The following RFX2 variants were observed in gnomAD, a reference collection of about 807,000 sequenced individuals.
RFX2 encodes DNA-binding protein RFX2.
RFX2 carries 20 observed loss-of-function variants against 87.8 expected under a neutral mutation model. The observed-to-expected ratio is 0.23, with a 90% CI of 0.16 to 0.33. The LOEUF (loss-of-function observed/expected upper bound fraction) is 0.33. Among genes scored for constraint, RFX2 ranks in the 10% least tolerant of loss-of-function variants. The pLI, the probability that RFX2 is intolerant of heterozygous loss-of-function variation, is 1.00. For synonymous variants in RFX2, 397 were observed against 431.3 expected (o/e 0.92, Z 0.98); for missense variants, 767 against 1,012.3 (o/e 0.76, Z 3.29).
Position 6,013,191 on chromosome 19 carries a change from CTTTT to C in RFX2, c.780-90_780-87del. The C allele has an allele frequency of 2.8e-6, 3 of 1,075,752 alleles. No homozygotes were observed. Among genetic ancestry groups the C allele is most frequent in the East Asian group, 3.3e-5 (1 of 30,598 alleles). The allele number at this position is 1,075,752 out of a possible 1,614,324, so 66.6% of individuals were successfully genotyped here. A position where few individuals can be genotyped will look rare whatever the true frequency, so the allele number is the denominator to read the frequency against. On this transcript the variant is annotated intron_variant, in intron 7 of 17. Transcript: ENST00000303657. The surrounding 1 kb of genome is among the most constrained non-coding windows in gnomAD (Gnocchi z 4.1). ...TTGGGATTCTTTTTCTTTCTTTCTT[CTTTT>C]TTTTTTTTGAGACAGAATCTCATTC... is the stretch of plus-strand genomic sequence containing the variant.
chr19:6,006,361 G>A (rs2086581118), intron 12 of RFX2, among the ~76,000 whole-genome samples: 2 of 151,720 alleles, frequency 1.3e-5, no homozygotes, highest in South Asian at 2.1e-4. Flanking sequence ...GTCTCACTAT[G>A]TTGCCCAGGC....
intron 5 of RFX2, among the ~76,000 whole-genome samples, chr19:6,036,301 A>T (rs2087022007): frequency 6.6e-6 from 1 of 152,192 alleles, no homozygotes; most frequent in Admixed American, 6.5e-5. Context: ...AGCAGCAGAC[A>T]CTACCCTACA....
chr19:6,074,979 C>A lies in RFX2; in HGVS notation c.-8-27475G>T, dbSNP rs1424688359. 6.6e-6 allele frequency among the ~76,000 whole-genome samples: 1 copy of A among 152,038 alleles called. No individual in the cohort carries two copies. The highest frequency in any genetic ancestry group is 2.4e-5 in the African/African-American group (1 of 41,374). On this transcript the variant is annotated intron_variant, in intron 1 of 17. Coordinates refer to ENST00000303657, the MANE Select transcript of RFX2 (RefSeq NM_000635.4). The surrounding 1 kb of genome is among the most constrained non-coding windows in gnomAD (Gnocchi z 5.2). The stretch of plus-strand genomic sequence containing the variant: ...TGGGGCCTTTGGGAGGTGATTAGGT[C>A]ATGAGGGTGGGATCATGCCCTCCCT...
chr19:5,995,782 G>A, intron 16 of RFX2, 139 bp from the exon 17 acceptor site: 3 of 781,402 alleles, frequency 3.8e-6, no homozygotes, highest in South Asian at 1.5e-5. Flanking sequence ...GCCCTGAAAT[G>A]TGGCTCTGAT....
rs577270490 is a variant in RFX2 at position 6,001,110 on chromosome 19, C to T, written c.1859+705G>A. Among the ~76,000 whole-genome samples the T allele has an allele frequency of 6.6e-5, 10 of 152,350 alleles. No individual in the cohort carries two copies. The highest frequency in any genetic ancestry group is 2.4e-4 in the African/African-American group (10 of 41,580). On this transcript the variant is annotated intron_variant, in intron 15 of 17. Transcript: ENST00000303657. The surrounding 1 kb of genome is among the most constrained non-coding windows in gnomAD (Gnocchi z 5.6). The stretch of plus-strand genomic sequence containing the variant: ...TCAGAGCTCTCAGGACATCGCTCTA[C>T]TGCCTTCTGGGTTTCTGCACATTGT...
Position 6,004,388 on chromosome 19 carries a change from C to A in RFX2, c.1403-90G>T. 3 of 1,071,122 alleles carry A rather than the reference C, an allele frequency of 2.8e-6. No individual in the cohort carries two copies. The highest frequency in any genetic ancestry group is 4.3e-6 in the Non-Finnish European group (3 of 691,734). 66.4% of individuals were successfully genotyped at this position (1,071,122 alleles called of 1,614,324 possible). On this transcript the variant is annotated intron_variant, in intron 12 of 17. Coordinates refer to ENST00000303657, the MANE Select transcript of RFX2 (RefSeq NM_000635.4). This position sits in a 1 kb window ranked among gnomAD's most constrained non-coding sequence, Gnocchi z 4.8. ...TTCAGTGTAAGAGCTGGCCCAAGTG[C>A]GATGAAAATGACCACCATGAAGAAC... is the stretch of plus-strand genomic sequence containing the variant.
chr19:6,015,495 G>GTTTGT (rs1797158016), intron 7 of RFX2, among the ~76,000 whole-genome samples: 1 of 150,334 alleles, frequency 6.7e-6, no homozygotes, highest in South Asian at 2.1e-4. Flanking sequence ...CATTTTGTTT[G>GTTTGT]TTTGTTTGTT....
chr19:6,002,027 TG>T lies in RFX2; in HGVS notation c.1651-5del. The T allele has an allele frequency of 1.9e-6, 3 of 1,600,676 alleles. No individual in the cohort carries two copies. In the South Asian group the frequency reaches 3.3e-5, roughly 18 times the overall value. On this transcript the variant is annotated splice_polypyrimidine_tract_variant and splice_region_variant and intron_variant, in intron 14 of 17. Transcript: ENST00000303657. This position sits in a 1 kb window ranked among gnomAD's most constrained non-coding sequence, Gnocchi z 6.7. ...GGCACACCCACGAGGCCTGCTCCTGTGGGCAGGGCAGAGGCCAGTGTCAGCA... is the reference window on the plus strand; with the variant it reads ...GGCACACCCACGAGGCCTGCTCCTGTGGCAGGGCAGAGGCCAGTGTCAGCA...
rs1310271287 is a variant in RFX2, at chr19:6,074,532, G to A, written c.-8-27028C>T. Among the ~76,000 whole-genome samples the A allele has an allele frequency of 5.3e-5, 8 of 152,320 alleles. No individual in the cohort carries two copies. The highest frequency in any genetic ancestry group is 6.8e-3 in the Middle Eastern group (2 of 294). ...CAAACACAGTCTGAGCATCTGCCATGTGCCGGCTTCAAGTGCTGAGGACAC... is the reference window on the plus strand; with the variant it reads ...CAAACACAGTCTGAGCATCTGCCATATGCCGGCTTCAAGTGCTGAGGACAC... On this transcript the variant is annotated intron_variant, in intron 1 of 17. Transcript: ENST00000303657. The surrounding 1 kb of genome is among the most constrained non-coding windows in gnomAD (Gnocchi z 5.2).
At chr19:6,086,920 C>T (rs2087862899) in intron 1 of RFX2, among the ~76,000 whole-genome samples, 1 of 152,162 alleles carries the variant, frequency 6.6e-6, no homozygotes, top group Non-Finnish European at 1.5e-5. Context: ...AGGAGAAATT[C>T]CCAGTGTTGA....
At chr19:6,080,202 A>ATGTGTGTGTGTGTG (rs368062995) in intron 1 of RFX2, among the ~76,000 whole-genome samples, 1,413 of 138,466 alleles carry the variant, frequency 0.01, 25 homozygotes, top group African/African-American at 0.033. Context: ...TGCCTGGTTA[A>ATGTGTGTGTGTGTG]TGTGTGTGTG....
At position 6,045,797 on chromosome 19, in the gene RFX2, G is replaced by A. The variant is rs954602508; in HGVS notation, c.91-1515C>T. Among the ~76,000 whole-genome samples, 3 of 151,974 alleles carry A rather than the reference G, an allele frequency of 2.0e-5. No homozygotes were observed. The highest frequency in any genetic ancestry group is 4.4e-5 in the Non-Finnish European group (3 of 68,004). On this transcript the variant is annotated intron_variant, in intron 2 of 17. Transcript: ENST00000303657. The surrounding 1 kb of genome is among the most constrained non-coding windows in gnomAD (Gnocchi z 5.2). ...AGCGATTCTCCTGCCTCAGCTTCCC[G>A]AGTAGCTGGGATTACAAGCATGTGC...
chr19:6,048,499 T>C (rs1054431192), intron 1 of RFX2, among the ~76,000 whole-genome samples: 4 of 152,194 alleles, frequency 2.6e-5, no homozygotes, highest in Non-Finnish European at 4.4e-5. Context: ...GAGGTGGCTT[T>C]GTGATCAGGC....
intron 1 of RFX2, chr19:6,072,983 T>A (rs776641031): frequency 1.2e-5 from 7 of 590,750 alleles, no homozygotes; most frequent in African/African-American, 1.9e-5. Context: ...GACCAGATAT[T>A]TTTTTTTCTT....
At chr19:6,030,545 T>C (rs934313852) in intron 5 of RFX2, among the ~76,000 whole-genome samples, 1 of 152,170 alleles carries the variant, frequency 6.6e-6, no homozygotes, top group Non-Finnish European at 1.5e-5. Flanking sequence ...ATATGTAGAA[T>C]TGGCAAATCC....
intron 1 of RFX2, among the ~76,000 whole-genome samples, chr19:6,073,936 T>A (rs1371916678): frequency 6.6e-6 from 1 of 152,066 alleles, no homozygotes; most frequent in Non-Finnish European, 1.5e-5. Flanking sequence ...CAGACCCTCC[T>A]CTCCAGCAAG....
chr19:6,069,207 T>C (rs1239622972), intron 1 of RFX2, among the ~76,000 whole-genome samples: 1 of 152,084 alleles, frequency 6.6e-6, no homozygotes, highest in African/African-American at 2.4e-5. Context: ...GCTGGAGCCA[T>C]CAGTGTATAG....
At chr19:6,028,994 G>C (rs935995232) in intron 5 of RFX2, among the ~76,000 whole-genome samples, 1 of 151,492 alleles carries the variant, frequency 6.6e-6, no homozygotes, top group Admixed American at 6.6e-5. Context: ...CAGAAGGATC[G>C]CTTGAATCCG....
chr19:5,999,697 C>T lies in RFX2; in HGVS notation c.1859+2118G>A, dbSNP rs989004891. On this transcript the variant is annotated intron_variant, in intron 15 of 17. Coordinates refer to ENST00000303657, the MANE Select transcript of RFX2 (RefSeq NM_000635.4). The surrounding 1 kb of genome is among the most constrained non-coding windows in gnomAD (Gnocchi z 4.1). ...CGTGCCTGATCATGCAGGAGACAGACAACAGACAAGTGAACAGATGACAGG... is the reference window on the plus strand; with the variant it reads ...CGTGCCTGATCATGCAGGAGACAGATAACAGACAAGTGAACAGATGACAGG... Among the ~76,000 whole-genome samples, 1 of 152,098 alleles carries T rather than the reference C, an allele frequency of 6.6e-6. No individual in the cohort carries two copies. Among genetic ancestry groups the T allele is most frequent in the East Asian group, 1.9e-4 (1 of 5,194 alleles).
Sources: allele counts gnomAD v4.1 joint callset (sites outside exome capture counted in the v4.1 genomes callset), GRCh38; gene constraint gnomAD v4.1.1; non-coding constraint Gnocchi (gnomAD v3.1); transcripts MANE v1.5; gene names NCBI Gene and HGNC (gene_info 2026-07-23, HGNC 2026-07-21).